Variants in ACSM3 observed in about 807,000 individuals in gnomAD.
ACSM3 encodes the protein acyl-CoA synthetase medium chain family member 3.
Under a neutral mutation model 74.1 loss-of-function variants are expected in ACSM3, and 61 were observed. The observed-to-expected ratio is 0.82, with a 90% confidence interval of 0.67 to 1.02. ACSM3 has a LOEUF of 1.02. ACSM3 is among the 50% of genes least tolerant of loss of function. The pLI, the probability that ACSM3 is intolerant of heterozygous loss-of-function variation, is 0.00. For missense variants in ACSM3, 660 were observed against 697.0 expected (o/e 0.95, Z 0.60); for synonymous variants, 213 against 241.5 (o/e 0.88, Z 1.09).
In ACSM3 at chr16:20,737,662, G is replaced by A. The variant is rs897351873; in HGVS notation, c.-189-12248G>A. On this transcript the variant is annotated intron_variant, in intron 1 of 3. Transcript: ENST00000561584. ...AAAGAAAAAAATCCTTAAAAAACAA[G>A]TATTTACCATTGAATGCCTATGGAA... The A allele has an allele frequency of 4.5e-6, 7 of 1,548,442 alleles. No homozygotes were observed. The African/African-American group carries it at 9.7e-5, about 22-fold the overall frequency.
At chr16:20,773,003 T>C (rs2080212151) in intron 2 of ACSM3, among the ~76,000 whole-genome samples, 1 of 152,054 alleles carries the variant, frequency 6.6e-6, no homozygotes, top group East Asian at 1.9e-4. Flanking sequence ...TTAGTTCTTA[T>C]GGTAGAATTC....
At chr16:20,727,571 TAC>T (rs1396475712) in intron 1 of ACSM3, 30 of 252,308 alleles carry the variant, frequency 1.2e-4, no homozygotes, top group Non-Finnish European at 2.1e-4. Flanking sequence ...TCTAAATTTT[TAC>T]AGTTTCCCAG....
chr16:20,718,462 A>G (rs774654671), intron 1 of ACSM3: 1 of 497,850 alleles, frequency 2.0e-6, no homozygotes, highest in Non-Finnish European at 3.2e-6. Flanking sequence ...CTCTCAGAGC[A>G]GCTTCAGCAT....
intron 2 of ACSM3, among the ~76,000 whole-genome samples, chr16:20,773,630 G>C (rs561709400): frequency 6.6e-6 from 1 of 152,178 alleles, no homozygotes; most frequent in East Asian, 1.9e-4. Context: ...TCATTCAGGA[G>C]CATGTTGTTT....
At chr16:20,759,316 G>A (rs1393650805), upstream of ACSM3, among the ~76,000 whole-genome samples, 3 of 152,154 alleles carry the variant, frequency 2.0e-5, no homozygotes, top group African/African-American at 7.2e-5. Flanking sequence ...CCAGCACTTT[G>A]GGAGGCTGAG....
intron 10 of ACSM3, among the ~76,000 whole-genome samples, chr16:20,791,695 G>C (rs1366060106): frequency 1.3e-5 from 2 of 152,180 alleles, no homozygotes; most frequent in Non-Finnish European, 2.9e-5. Flanking sequence ...GGGAGGCCAA[G>C]GTGGGCGGAT....
rs887588709 is a variant in ACSM3 at position 20,791,030 on chromosome 16, G to A, written c.1326+342G>A. On this transcript the variant is annotated intron_variant, in intron 10 of 13. Transcript: ENST00000289416. ...AATCCAGTTAGTGCTCTTTCTTTTC[G>A]GGAAGAGTGAGAGGGACAGGGGATG... 6.9e-6 allele frequency: 9 copies of A among 1,309,116 alleles called. No homozygotes were observed. The East Asian group carries it at 7.1e-5, about 10-fold the overall frequency. 81.1% of individuals were successfully genotyped at this position (1,309,116 alleles called of 1,614,324 possible).
intron 2 of ACSM3, among the ~76,000 whole-genome samples, chr16:20,771,371 CTTTTTTTTTTT>C (rs57406215): frequency 2.3e-5 from 2 of 85,264 alleles, no homozygotes; most frequent in African/African-American, 4.5e-5. Flanking sequence ...GGCCGAGCTC[CTTTTTTTTTTT>C]TTTTTTTTTT....
At chr16:20,685,237 C>T (rs201980910) in intron 1 of ACSM3, 8 of 1,614,162 alleles carry the variant, frequency 5.0e-6, no homozygotes, top group Non-Finnish European at 6.8e-6. Flanking sequence ...CTCAGGAACT[C>T]GAGGCAGCAT....
chr16:20,725,324 G>T, intron 1 of ACSM3: 2 of 217,098 alleles, frequency 9.2e-6, no homozygotes, highest in South Asian at 2.2e-4. Context: ...GCCTTTCATT[G>T]ACCGCTTCTG....
chr16:20,757,135 T>C (rs2080038280), intron 3 of ACSM3, among the ~76,000 whole-genome samples: 1 of 152,128 alleles, frequency 6.6e-6, no homozygotes, highest in East Asian at 1.9e-4. Context: ...TTTGGTTCCA[T>C]ATGAACTTTA....
chr16:20,689,513 T>G (rs1567313955), intron 1 of ACSM3, among the ~76,000 whole-genome samples: 1 of 152,068 alleles, frequency 6.6e-6, no homozygotes, highest in Non-Finnish European at 1.5e-5. Flanking sequence ...AGACATAGAT[T>G]GGCAGAATGG....
intron 1 of ACSM3, among the ~76,000 whole-genome samples, chr16:20,764,445 C>T (rs1016519187): frequency 7.2e-5 from 11 of 152,108 alleles, no homozygotes; most frequent in African/African-American, 1.9e-4. Context: ...GAACCAGATG[C>T]GGTGGCTCAA....
intron 1 of ACSM3, among the ~76,000 whole-genome samples, chr16:20,748,175 A>C (rs1372398325): frequency 1.3e-5 from 2 of 152,086 alleles, no homozygotes; most frequent in Admixed American, 1.3e-4. Context: ...AGATAAATAA[A>C]TAAATAAACA....
At chr16:20,760,162 C>T (rs1045691726), upstream of ACSM3, among the ~76,000 whole-genome samples, 8 of 152,154 alleles carry the variant, frequency 5.3e-5, no homozygotes, top group Middle Eastern at 3.2e-3. Context: ...AGTACAGCAT[C>T]ATATAACAGA....
At chr16:20,674,481 A>T (rs2152279942), upstream of ACSM3, 1 of 155,510 alleles carries the variant, frequency 6.4e-6, no homozygotes, top group Non-Finnish European at 1.4e-5. Context: ...TTAAAAGGTA[A>T]CCTGACTCTT....
intron 1 of ACSM3, among the ~76,000 whole-genome samples, chr16:20,733,307 G>A (rs1243143967): frequency 6.6e-6 from 1 of 151,960 alleles, no homozygotes; most frequent in Non-Finnish European, 1.5e-5. Flanking sequence ...TCAAAATAAA[G>A]ATATATCCTA....
At chr16:20,755,027 A>C (rs1419373746) in intron 2 of ACSM3, among the ~76,000 whole-genome samples, 1 of 152,158 alleles carries the variant, frequency 6.6e-6, no homozygotes, top group Non-Finnish European at 1.5e-5. Context: ...GCCAGTGTCC[A>C]TAGAGACCAT....
At chr16:20,690,991 T>C (rs2079642747) in intron 1 of ACSM3, 4 of 1,607,646 alleles carry the variant, frequency 2.5e-6, no homozygotes, top group Non-Finnish European at 3.4e-6. Flanking sequence ...ACGGCAGATC[T>C]CTTACCTTCT....
Sources: gnomAD v4.1 joint callset for allele counts (sites outside exome capture counted in the v4.1 genomes callset) on GRCh38, gnomAD v4.1.1 for gene constraint, MANE v1.5 for transcripts, NCBI Gene and HGNC (gene_info 2026-07-23, HGNC 2026-07-21) for gene names.